Variants in CADPS observed in about 807,000 individuals in gnomAD.
CADPS encodes the protein calcium dependent secretion activator.
CADPS carries 57 observed loss-of-function variants against 167.3 expected under a neutral mutation model. The ratio of observed to expected loss-of-function variants is 0.34; its 90% CI spans 0.28 to 0.42. CADPS has a LOEUF of 0.42. Among genes scored for constraint, CADPS ranks in the 20% least tolerant of loss-of-function variants. CADPS has a pLI of 1.00. For missense variants in CADPS, 1,414 were observed against 1,738.1 expected (o/e 0.81, Z 3.32); for synonymous variants, 676 against 635.3 (o/e 1.06, Z -0.96).
In CADPS at chr3:62,664,871, G is replaced by T. The variant is rs538119807; in HGVS notation, c.889-2477C>A. ...GGAAACAGCAGAAAATGCTGGCAAT[G>T]AAGATGAGTAGGCAAGGTCTACATT... On this transcript the variant is annotated intron_variant, in intron 3 of 29. Transcript: ENST00000383710. 8.5e-5 allele frequency among the ~76,000 whole-genome samples: 13 copies of T among 152,312 alleles called. No individual in the cohort carries two copies. The South Asian group carries it at 1.4e-3, about 17-fold the overall frequency.
intron 3 of CADPS, among the ~76,000 whole-genome samples, chr3:62,682,706 C>G (rs1330596956): frequency 1.3e-5 from 2 of 151,980 alleles, no homozygotes; most frequent in African/African-American, 4.8e-5. Context: ...TTCTCCTTTC[C>G]CTTTTTTCTC....
chr3:62,408,617 A>C (rs1404554628), intron 28 of CADPS, among the ~76,000 whole-genome samples: 3 of 152,214 alleles, frequency 2.0e-5, no homozygotes, highest in Non-Finnish European at 4.4e-5. Context: ...AATGATTGCT[A>C]CTGCGGTTAT....
intron 1 of CADPS, among the ~76,000 whole-genome samples, chr3:62,839,697 T>C (rs74785719): frequency 0.017 from 2,646 of 152,240 alleles, 76 homozygotes; most frequent in African/African-American, 0.06. Flanking sequence ...AGGAAACTAA[T>C]TGAGTGAGAT....
intron 7 of CADPS, among the ~76,000 whole-genome samples, chr3:62,591,096 G>A (rs887686583): frequency 5.3e-5 from 8 of 152,218 alleles, no homozygotes; most frequent in African/African-American, 1.7e-4. Flanking sequence ...GACCTCAGGC[G>A]ATCCACCCGC....
At chr3:62,652,340 G>A (rs892874943) in intron 4 of CADPS, among the ~76,000 whole-genome samples, 5 of 150,286 alleles carry the variant, frequency 3.3e-5, no homozygotes, top group Non-Finnish European at 7.4e-5. Context: ...CTTGTGGCTG[G>A]GAGTAGAACC....
chr3:62,496,758 C>A (rs181205889), intron 18 of CADPS, among the ~76,000 whole-genome samples: 1 of 152,186 alleles, frequency 6.6e-6, no homozygotes, highest in Non-Finnish European at 1.5e-5. Context: ...GGACACCCTG[C>A]GTTCTATTGC....
intron 1 of CADPS, among the ~76,000 whole-genome samples, chr3:62,801,276 T>C (rs1246171153): frequency 2.0e-5 from 3 of 152,116 alleles, no homozygotes; most frequent in African/African-American, 7.2e-5. Flanking sequence ...AAAGTTGAAT[T>C]AGAAATAATC....
intron 28 of CADPS, among the ~76,000 whole-genome samples, chr3:62,422,049 G>A (rs1002941371): frequency 4.6e-5 from 7 of 152,152 alleles, no homozygotes; most frequent in East Asian, 3.8e-4. Context: ...TGTCGTTAGC[G>A]AGTTCTTTAA....
At chr3:62,565,901 C>T (rs893785585) in intron 9 of CADPS, among the ~76,000 whole-genome samples, 1 of 152,038 alleles carries the variant, frequency 6.6e-6, no homozygotes, top group East Asian at 1.9e-4. Flanking sequence ...ACGTTATAAG[C>T]AAAAAAGTAG....
At chr3:62,405,138 G>A (rs35752212) in intron 28 of CADPS, among the ~76,000 whole-genome samples, 2 of 1,318 alleles carry the variant, frequency 1.5e-3, no homozygotes, top group Non-Finnish European at 5.1e-3. Context: ...ATGTAATCTG[G>A]GGGGGGGGGG....
intron 1 of CADPS, among the ~76,000 whole-genome samples, chr3:62,826,618 C>A (rs2074094055): frequency 6.6e-6 from 1 of 152,142 alleles, no homozygotes; most frequent in East Asian, 1.9e-4. Flanking sequence ...GATGGGTCTT[C>A]AAGTCTCCAT....
intron 3 of CADPS, among the ~76,000 whole-genome samples, chr3:62,743,893 C>G (rs999070256): frequency 1.3e-5 from 2 of 152,166 alleles, no homozygotes; most frequent in Admixed American, 1.3e-4. Flanking sequence ...TCATAAAAGA[C>G]TTAGCAAAAT....
chr3:62,853,901 A>C (rs1013230618), intron 1 of CADPS, among the ~76,000 whole-genome samples: 2 of 152,070 alleles, frequency 1.3e-5, no homozygotes, highest in Non-Finnish European at 2.9e-5. Flanking sequence ...GGCTCCAGTG[A>C]CCTGTGATCT....
At chr3:62,575,070 A>G (rs2082018369) in intron 8 of CADPS, among the ~76,000 whole-genome samples, 1 of 152,256 alleles carries the variant, frequency 6.6e-6, no homozygotes, top group African/African-American at 2.4e-5. Context: ...TTCTGGAATT[A>G]TATCTGGCAG....
intron 9 of CADPS, among the ~76,000 whole-genome samples, chr3:62,566,058 A>G (rs9880002): frequency 1.4e-4 from 22 of 152,202 alleles, no homozygotes; most frequent in African/African-American, 5.3e-4. Flanking sequence ...GTGTGCTGCT[A>G]GCTCTCTACA....
intron 2 of CADPS, among the ~76,000 whole-genome samples, chr3:62,756,775 C>A (rs62244511): frequency 6.6e-6 from 1 of 152,050 alleles, no homozygotes; most frequent in African/African-American, 2.4e-5. Context: ...AGGAACAATA[C>A]GTGTGAAGAC....
At chr3:62,785,851 T>C (rs2152696686) in intron 1 of CADPS, among the ~76,000 whole-genome samples, 1 of 148,874 alleles carries the variant, frequency 6.7e-6, no homozygotes, top group African/African-American at 2.5e-5. Context: ...CTTGAAACCA[T>C]CATAATTAGT....
At chr3:62,586,309 C>T (rs1469623960) in intron 7 of CADPS, among the ~76,000 whole-genome samples, 1 of 152,124 alleles carries the variant, frequency 6.6e-6, no homozygotes, top group East Asian at 1.9e-4. Context: ...GGATGGCAGG[C>T]CCCTTTCCTG....
intron 7 of CADPS, among the ~76,000 whole-genome samples, chr3:62,589,395 T>C (rs2085418069): frequency 6.6e-6 from 1 of 152,186 alleles, no homozygotes; most frequent in Admixed American, 6.5e-5. Flanking sequence ...GGGGAATGTA[T>C]GAGGGGCCTG....
Sources: allele counts gnomAD v4.1 joint callset (sites outside exome capture counted in the v4.1 genomes callset), GRCh38; gene constraint gnomAD v4.1.1; transcripts MANE v1.5; gene names NCBI Gene and HGNC (gene_info 2026-07-23, HGNC 2026-07-21).